Variants in PICK1 observed in about 807,000 individuals in gnomAD.
The protein encoded by PICK1 is PRKCA-binding protein.
In PICK1, 23 loss-of-function variants were observed where a neutral mutation model predicts 48.9. The ratio of observed to expected loss-of-function variants is 0.47; its 90% CI spans 0.34 to 0.67. PICK1 has a LOEUF of 0.67. PICK1 is among the 30% of genes least tolerant of loss of function. The pLI, the probability that PICK1 is intolerant of heterozygous loss-of-function variation, is 0.01. For synonymous variants in PICK1, 217 were observed against 228.2 expected, an observed-to-expected ratio of 0.95 and a Z score of 0.44; for missense variants, 423 against 557.1, an observed-to-expected ratio of 0.76 and a Z score of 2.42.
At chr22:38,067,008 G>A (rs1386810194) in intron 4 of PICK1, among the ~76,000 whole-genome samples, 1 of 152,238 alleles carries the variant, frequency 6.6e-6, no homozygotes, top group Non-Finnish European at 1.5e-5. Context: ...TGTTCGATGA[G>A]TAGAGGGATT....
At position 38,073,549 on chromosome 22, in the gene PICK1, C is replaced by A. The variant is rs1054220689; in HGVS notation, c.784-224C>A. 5.9e-5 allele frequency among the ~76,000 whole-genome samples: 9 copies of A among 152,200 alleles called. No homozygotes were observed. The highest frequency in any genetic ancestry group is 2.2e-4 in the African/African-American group (9 of 41,448). ...CAAGGGTCTTCCTAAGCTCCTTTAA[C>A]GACAGACCCCTTTTTCCCCAGAGCA... On this transcript the variant is annotated intron_variant, in intron 10 of 12. Coordinates refer to ENST00000356976, the MANE Select transcript of PICK1 (RefSeq NM_012407.4). The surrounding 1 kb of genome is among the most constrained non-coding windows in gnomAD (Gnocchi z 5.7).
chr22:38,059,283 A>C lies in PICK1; in HGVS notation c.91A>C (p.Asn31His). The change falls in exon 3 of 13, where the codon AAC (asparagine) becomes CAC (histidine). Residue 31 changes from asparagine to histidine, a missense_variant. By Grantham distance (68) the Asn-to-His change is moderately conservative. Around this residue, in one of 2 missense-constraint regions of PICK1, gnomAD observed 279 missense variants for 417.8 expected, o/e 0.67. Coordinates refer to ENST00000356976, the MANE Select transcript of PICK1 (RefSeq NM_012407.4). ...GGTGACCCTGCAGAAGGATGCTCAG[A>C]ACCTGATCGGGATCAGCATTGGAGG... is the stretch of plus-strand genomic sequence containing the variant. ...GKVTLQKDAQ[N>H]LIGISIGGGA... 6.3e-7 allele frequency: 1 copy of C among 1,582,596 alleles called. No homozygotes were observed. The highest frequency in any genetic ancestry group is 8.6e-7 in the Non-Finnish European group (1 of 1,163,658).
intron 3 of PICK1, among the ~76,000 whole-genome samples, chr22:38,059,820 GTTTC>G (rs1472056047): frequency 5.9e-5 from 9 of 152,304 alleles, no homozygotes; most frequent in African/African-American, 2.2e-4. Context: ...TTGGGCCTCA[GTTTC>G]ATCACCTAGA....
At position 38,063,962 on chromosome 22, in the gene PICK1, C is replaced by T. The variant is rs115771643; in HGVS notation, c.154-1040C>T. Among the ~76,000 whole-genome samples the T allele has an allele frequency of 3.5e-3, 532 of 152,266 alleles. 7 individuals are homozygous for T. The highest frequency in any genetic ancestry group is 0.012 in the African/African-American group (505 of 41,534). On this transcript the variant is annotated intron_variant, in intron 3 of 12. Coordinates refer to ENST00000356976, the MANE Select transcript of PICK1 (RefSeq NM_012407.4). ...GTCACATCCAAGAAATTACTGTAAACTCCAATGTCGTGAAGGTTTTGGACT... is the reference window on the plus strand; with the variant it reads ...GTCACATCCAAGAAATTACTGTAAATTCCAATGTCGTGAAGGTTTTGGACT...
rs1569204687 is a variant in PICK1 at position 38,073,900 on chromosome 22, C to T, written c.834+77C>T. On this transcript the variant is annotated intron_variant, in intron 11 of 12. Transcript: ENST00000356976. The surrounding 1 kb of genome is among the most constrained non-coding windows in gnomAD (Gnocchi z 5.7). The stretch of plus-strand genomic sequence containing the variant: ...AGGGATAGCAGGTGGCTCAGGCCAA[C>T]CCGGGAGAGACCGGGGGGACTTGGC... The T allele has an allele frequency of 2.1e-6, 3 of 1,407,004 alleles. No homozygotes were observed. Among genetic ancestry groups the T allele is most frequent in the East Asian group, 4.6e-5 (2 of 43,908 alleles). 87.2% of individuals were successfully genotyped at this position (1,407,004 alleles called of 1,614,324 possible).
At position 38,069,120 on chromosome 22, in the gene PICK1, A is replaced by G. The variant is rs1477970983; in HGVS notation, c.437A>G (p.Asn146Ser). 2 of 1,606,008 alleles carry G rather than the reference A, an allele frequency of 1.2e-6. No homozygotes were observed. The highest frequency in any genetic ancestry group is 1.1e-5 in the South Asian group (1 of 89,602). The change falls in exon 6 of 13, where the codon AAT becomes AGT. Residue 146 changes from asparagine (N) to serine (S), a missense_variant and splice_region_variant. Asn to Ser is a conservative substitution (Grantham distance 46). Around this residue, in one of 2 missense-constraint regions of PICK1, gnomAD observed 279 missense variants for 417.8 expected, o/e 0.67. Transcript: ENST00000356976. ...GGCCTGAGCCGGGCCATCCTGTGCA[A>G]TGGTGAGTCCCTTCCCACCCAGCTG... ...ALGLSRAILC[N>S]DGLVKRLEEL...
At chr22:38,062,082 C>G (rs930220793) in intron 3 of PICK1, among the ~76,000 whole-genome samples, 6 of 152,142 alleles carry the variant, frequency 3.9e-5, no homozygotes, top group Non-Finnish European at 8.8e-5. Context: ...TCTTGCGGAG[C>G]CCTCATTCTA....
Position 38,073,677 on chromosome 22 carries a change from G to A in PICK1, c.784-96G>A, listed in dbSNP as rs544322719. 47 of 1,147,146 alleles carry A rather than the reference G, an allele frequency of 4.1e-5. No individual in the cohort carries two copies. Among genetic ancestry groups the A allele is most frequent in the South Asian group, 1.6e-4 (13 of 81,750 alleles). 71.1% of individuals were successfully genotyped at this position (1,147,146 alleles called of 1,614,324 possible). A position where few individuals can be genotyped will look rare whatever the true frequency, so the allele number is the denominator to read the frequency against. ...GCTCTGGGACTCCCTGAACACCTGC[G>A]CCAGCCTCTCCTGCTGCGTGTGGGT... On this transcript the variant is annotated intron_variant, in intron 10 of 12. Coordinates refer to ENST00000356976, the MANE Select transcript of PICK1 (RefSeq NM_012407.4). The surrounding 1 kb of genome is among the most constrained non-coding windows in gnomAD (Gnocchi z 5.7).
chr22:38,065,876 C>G (rs1218741069), intron 4 of PICK1, among the ~76,000 whole-genome samples: 1 of 152,268 alleles, frequency 6.6e-6, no homozygotes, highest in East Asian at 1.9e-4. Context: ...GTCTCGGGGG[C>G]AAGGGTCCCC....
rs1265561026 is a variant in PICK1, at chr22:38,067,742, C to T, written c.321C>T (p.Asp107=). The T allele has an allele frequency of 1.2e-6, 2 of 1,613,990 alleles. No individual in the cohort carries two copies. The highest frequency in any genetic ancestry group is 8.5e-7 in the Non-Finnish European group (1 of 1,179,880). Residue 107 remains aspartate (D), a synonymous_variant, in exon 5 of 13, where the codon GAC becomes GAT. Coordinates refer to ENST00000356976, the MANE Select transcript of PICK1 (RefSeq NM_012407.4). ...VTIHYNKLQA[D]PKQGMSLDIV... ...TCCACTACAACAAGCTGCAGGCGGA[C>T]CCCAAGCAGGGCATGTCCCTGGACA...
rs1482419214 is a variant in PICK1, at chr22:38,057,487, C to T, written c.-158C>T. 1 of 395,390 alleles carries T rather than the reference C, an allele frequency of 2.5e-6. No homozygotes were observed. Among genetic ancestry groups the T allele is most frequent in the African/African-American group, 2.0e-5 (1 of 49,734 alleles). The allele number at this position is 395,390 out of a possible 1,614,324, so 24.5% of individuals were successfully genotyped here. ...GGACCCGGCTGTGGGACCAACGCTT[C>T]CGGTGAGCGACAGAGGCAGCTCCCC... On this transcript the variant is annotated 5_prime_UTR_variant, in exon 1 of 13. Coordinates refer to ENST00000356976, the MANE Select transcript of PICK1 (RefSeq NM_012407.4).
chr22:38,064,963 TC>T, intron 3 of PICK1, 38 bp from the exon 4 acceptor site: 1 of 1,612,346 alleles, frequency 6.2e-7, no homozygotes. Context: ...ATCTTAGCCC[TC>T]CCTTTCTTCC....
chr22:38,071,452 C>T (rs1194334997), intron 7 of PICK1, among the ~76,000 whole-genome samples: 6 of 152,258 alleles, frequency 3.9e-5, no homozygotes. Context: ...CCACAGCAGG[C>T]TGTGTACCCC....
rs1569193522 is a variant in PICK1, at chr22:38,057,865, C to T, written c.41+15C>T. ...GAGGATAAACTGTGAGTATTTTATT[C>T]CCCCAAGTTCCAGCAGTATAGGAGC... On this transcript the variant is annotated intron_variant, in intron 2 of 12. Coordinates refer to ENST00000356976, the MANE Select transcript of PICK1 (RefSeq NM_012407.4). The T allele has an allele frequency of 1.2e-6, 2 of 1,605,702 alleles. No individual in the cohort carries two copies. The highest frequency in any genetic ancestry group is 2.2e-5 in the South Asian group (2 of 90,932).
In PICK1 at chr22:38,069,130, C is replaced by T. The variant is rs1420925595; in HGVS notation, c.439+8C>T. The T allele has an allele frequency of 8.8e-6, 14 of 1,597,756 alleles. No individual in the cohort carries two copies. Among genetic ancestry groups the T allele is most frequent in the South Asian group, 1.1e-5 (1 of 88,708 alleles). ...GGGCCATCCTGTGCAATGGTGAGTC[C>T]CTTCCCACCCAGCTGGGGCCCCGGG... On this transcript the variant is annotated splice_region_variant and intron_variant, in intron 6 of 12. Coordinates refer to ENST00000356976, the MANE Select transcript of PICK1 (RefSeq NM_012407.4).
Position 38,074,360 on chromosome 22 carries a change from G to A in PICK1, c.888G>A (p.Leu296=). 6.2e-7 allele frequency: 1 copy of A among 1,612,938 alleles called. No homozygotes were observed. Among genetic ancestry groups the A allele is most frequent in the South Asian group, 1.1e-5 (1 of 91,080 alleles). ...RVSTGNYEYR[L]ILRCRQEARA... Reference sequence around the variant, plus strand: ...GCACCGGCAACTATGAGTACCGCCTGATCCTGCGCTGCCGCCAGGAGGCGC... The same window carrying A: ...GCACCGGCAACTATGAGTACCGCCTAATCCTGCGCTGCCGCCAGGAGGCGC... The change falls in exon 12 of 13, where the codon CTG becomes CTA. Residue 296 remains leucine (L), a synonymous_variant. Transcript: ENST00000356976. This position sits in a 1 kb window ranked among gnomAD's most constrained non-coding sequence, Gnocchi z 4.5.
chr22:38,069,087 A>T lies in PICK1; in HGVS notation c.404A>T (p.Asp135Val). 1 of 1,612,944 alleles carries T rather than the reference A, an allele frequency of 6.2e-7. No individual in the cohort carries two copies. The highest frequency in any genetic ancestry group is 1.1e-5 in the South Asian group (1 of 90,786). The change falls in exon 6 of 13, where the codon GAT becomes GTT. Residue 135 changes from aspartate (D) to valine (V), a missense_variant. By Grantham distance (152) the Asp-to-Val change is radical. Transcript: ENST00000356976. Reference sequence around the variant, plus strand: ...GAGAACATGAGTTCAGGGACCGCAGATGCTCTGGGCCTGAGCCGGGCCATC... The same window carrying T: ...GAGAACATGAGTTCAGGGACCGCAGTTGCTCTGGGCCTGAGCCGGGCCATC... Reference protein sequence around the residue: ...LVENMSSGTADALGLSRAILC... With the variant: ...LVENMSSGTAVALGLSRAILC...
intron 6 of PICK1, among the ~76,000 whole-genome samples, chr22:38,069,878 T>C (rs1173424761): frequency 6.6e-6 from 1 of 152,122 alleles, no homozygotes; most frequent in Non-Finnish European, 1.5e-5. Flanking sequence ...GTTGTGTTTT[T>C]CCCCCCAAAC....
intron 3 of PICK1, among the ~76,000 whole-genome samples, chr22:38,061,340 C>CAAAAAT (rs2085396814): frequency 8.7e-6 from 1 of 115,588 alleles, no homozygotes; most frequent in Non-Finnish European, 1.8e-5. Flanking sequence ...GACTCCGTCT[C>CAAAAAT]AAAAATAATA....
Sources: gnomAD v4.1 joint callset for allele counts (sites outside exome capture counted in the v4.1 genomes callset) on GRCh38, gnomAD v4.1.1 for gene constraint, gnomAD v4.1.1 regional missense constraint, Gnocchi (gnomAD v3.1) non-coding constraint, MANE v1.5 for transcripts, NCBI Gene and HGNC (gene_info 2026-07-23, HGNC 2026-07-21) for gene names.